C8orf34: variants seen among roughly 807,000 people sequenced by gnomAD.
C8orf34 encodes chromosome 8 open reading frame 34.
In C8orf34, 65 loss-of-function variants were observed where a neutral mutation model predicts 68.3. That is an observed-to-expected ratio of 0.95 (90% confidence interval 0.78 to 1.17). C8orf34 has a LOEUF of 1.17. Among genes scored for constraint, C8orf34 ranks in the 50% most tolerant of loss-of-function variants. The pLI, the probability that C8orf34 is intolerant of heterozygous loss-of-function variation, is 0.00. For missense variants in C8orf34, 664 were observed against 655.4 expected, an observed-to-expected ratio of 1.01 and a Z score of -0.14; for synonymous variants, 244 against 241.2, an observed-to-expected ratio of 1.01 and a Z score of -0.11.
chr8:68,791,907 T>TA (rs1438948264), intron 12 of C8orf34: 2 of 152,220 alleles, frequency 1.3e-5, no homozygotes, highest in African/African-American at 4.8e-5. Context: ...CTATTGGTAT[T>TA]AGACTTTGAA....
chr8:68,397,643 T>C (rs994290578), intron 1 of C8orf34, among the ~76,000 whole-genome samples: 1 of 152,204 alleles, frequency 6.6e-6, no homozygotes, highest in Admixed American at 6.5e-5. Flanking sequence ...CTTGACTATA[T>C]CCTTGTGCAT....
At chr8:68,400,492 G>A (rs1015345146) in intron 1 of C8orf34, among the ~76,000 whole-genome samples, 1 of 152,116 alleles carries the variant, frequency 6.6e-6, no homozygotes, top group Non-Finnish European at 1.5e-5. Flanking sequence ...TCAAAAATTA[G>A]TTGGTTGTAT....
At chr8:68,358,990 C>A (rs1806869694) in intron 1 of C8orf34, among the ~76,000 whole-genome samples, 1 of 152,088 alleles carries the variant, frequency 6.6e-6, no homozygotes, top group Admixed American at 6.6e-5. Flanking sequence ...TGCACTCCCA[C>A]AACTGGCCTA....
rs531961599 is a variant in C8orf34 at position 68,533,978 on chromosome 8, A to G, written c.1105+829A>G. ...ATTTAGAAAGAGAATAAATAATATA[A>G]TTATTTGAAAGCCTTAAACACGTTT... On this transcript the variant is annotated intron_variant, in intron 7 of 13. Transcript: ENST00000518698. The G allele has an allele frequency of 1.0e-3, 875 of 872,332 alleles. 10 individuals are homozygous for G. The African/African-American group carries it at 0.015, about 15-fold the overall frequency. 54.0% of individuals were successfully genotyped at this position (872,332 alleles called of 1,614,324 possible).
chr8:68,534,037 G>A (rs1363231156), intron 7 of C8orf34: 4 of 980,610 alleles, frequency 4.1e-6, no homozygotes, highest in Admixed American at 1.2e-4. Flanking sequence ...GAAAAATATA[G>A]GCCATTTTCT....
rs76513182 is a variant in C8orf34, at chr8:68,339,667, T to C, written c.327+8328T>C. 7.9e-3 allele frequency among the ~76,000 whole-genome samples: 1,198 copies of C among 152,126 alleles called. 19 individuals carry two copies. The highest frequency in any genetic ancestry group is 0.027 in the African/African-American group (1,102 of 41,568). ...ATTGGTGTAAATTGAAATGGATTAT[T>C]ACCTAAATGTAAAACCTTTTTTCTT... is the stretch of plus-strand genomic sequence containing the variant. On this transcript the variant is annotated intron_variant, in intron 1 of 13. Transcript: ENST00000518698.
At chr8:68,443,130 A>C (rs542578315) in intron 2 of C8orf34, among the ~76,000 whole-genome samples, 5 of 152,266 alleles carry the variant, frequency 3.3e-5, no homozygotes, top group Non-Finnish European at 7.4e-5. Context: ...AGGAAGCTGC[A>C]GAGGAGGGAA....
At chr8:68,618,373 A>G (rs1260290117) in intron 7 of C8orf34, among the ~76,000 whole-genome samples, 3 of 152,096 alleles carry the variant, frequency 2.0e-5, no homozygotes, top group South Asian at 2.1e-4. Flanking sequence ...TATTTTGAAG[A>G]TAGGGTCTTT....
chr8:68,799,425 T>C (rs1824268000), intron 12 of C8orf34, among the ~76,000 whole-genome samples: 1 of 152,208 alleles, frequency 6.6e-6, no homozygotes, highest in South Asian at 2.1e-4. Context: ...GATTGTTTTG[T>C]ATATTTTTTG....
intron 8 of C8orf34, among the ~76,000 whole-genome samples, chr8:68,646,636 C>G (rs779597414): frequency 6.6e-6 from 1 of 152,096 alleles, no homozygotes; most frequent in African/African-American, 2.4e-5. Flanking sequence ...TCCCCCTTCC[C>G]CCAGCCTCTG....
At chr8:68,687,989 CAAAAG>C (rs1348703139) in intron 8 of C8orf34, among the ~76,000 whole-genome samples, 1 of 151,976 alleles carries the variant, frequency 6.6e-6, no homozygotes, top group Non-Finnish European at 1.5e-5. Flanking sequence ...AGACATTTCT[CAAAAG>C]AAGATACACA....
At chr8:68,432,005 A>G (rs1810471398) in intron 1 of C8orf34, among the ~76,000 whole-genome samples, 1 of 152,148 alleles carries the variant, frequency 6.6e-6, no homozygotes, top group African/African-American at 2.4e-5. Context: ...TTTACATTAA[A>G]TCATGTTTAA....
In C8orf34 at chr8:68,818,954, C is replaced by T. The variant is rs1209089497; in HGVS notation, c.*708C>T. Reference sequence around the variant, plus strand: ...TGATCCATTTTAAATTTAATATATGCTCGCTTTTGGAATGTGTTATGCATT... The same window carrying T: ...TGATCCATTTTAAATTTAATATATGTTCGCTTTTGGAATGTGTTATGCATT... On this transcript the variant is annotated 3_prime_UTR_variant, in exon 14 of 14. Transcript: ENST00000518698. 1 of 152,052 alleles carries T rather than the reference C, an allele frequency of 6.6e-6. No individual in the cohort carries two copies. Among genetic ancestry groups the T allele is most frequent in the Non-Finnish European group, 1.5e-5 (1 of 67,996 alleles). The allele number at this position is 152,052 out of a possible 1,614,324, so 9.4% of individuals were successfully genotyped here.
At chr8:68,498,920 T>C (rs1360991891) in intron 5 of C8orf34, among the ~76,000 whole-genome samples, 1 of 152,216 alleles carries the variant, frequency 6.6e-6, no homozygotes, top group Non-Finnish European at 1.5e-5. Context: ...AAGTTGAGTC[T>C]GGAATATCTT....
At chr8:68,606,995 A>G (rs1211112601) in intron 7 of C8orf34, among the ~76,000 whole-genome samples, 2 of 152,060 alleles carry the variant, frequency 1.3e-5, no homozygotes, top group African/African-American at 2.4e-5. Flanking sequence ...CTCAGGAAAC[A>G]TTCACCAACA....
intron 3 of C8orf34, among the ~76,000 whole-genome samples, chr8:68,463,765 C>T (rs937918827): frequency 6.6e-6 from 1 of 152,068 alleles, no homozygotes; most frequent in African/African-American, 2.4e-5. Flanking sequence ...AAGCTCTCAA[C>T]AAATTAGGTA....
At chr8:68,384,363 T>A (rs1456709910) in intron 1 of C8orf34, among the ~76,000 whole-genome samples, 3 of 152,218 alleles carry the variant, frequency 2.0e-5, no homozygotes, top group Non-Finnish European at 4.4e-5. Context: ...CTTCTTGATT[T>A]GCTGTCTGGC....
chr8:68,796,822 CTTTTTTTTTTTT>C (rs372049123), intron 12 of C8orf34, among the ~76,000 whole-genome samples: 3 of 122,876 alleles, frequency 2.4e-5, no homozygotes, highest in Non-Finnish European at 5.1e-5. Context: ...TTGAGTTCTT[CTTTTTTTTTTTT>C]TTTTTTTTTT....
At chr8:68,558,576 A>G (rs1245970844) in intron 7 of C8orf34, among the ~76,000 whole-genome samples, 5 of 152,066 alleles carry the variant, frequency 3.3e-5, no homozygotes, top group Non-Finnish European at 7.4e-5. Context: ...GAAAAGGATG[A>G]AAGAGAGAAA....
Sources: allele counts gnomAD v4.1 joint callset (sites outside exome capture counted in the v4.1 genomes callset), GRCh38; gene constraint gnomAD v4.1.1; transcripts MANE v1.5; gene names NCBI Gene and HGNC (gene_info 2026-07-23, HGNC 2026-07-21).